The following POU2F3 variants were observed in gnomAD, a reference collection of about 807,000 sequenced individuals.
The protein encoded by POU2F3 is POU domain, class 2, transcription factor 3.
Under a neutral mutation model 59.2 loss-of-function variants are expected in POU2F3, and 23 were observed. The ratio of observed to expected loss-of-function variants is 0.39; its 90% CI spans 0.28 to 0.55. POU2F3 has a LOEUF of 0.55. Ranked by LOEUF, POU2F3 falls within the 20% of genes least tolerant of loss-of-function variation. POU2F3 has a pLI of 0.66. For synonymous variants in POU2F3, 190 were observed against 214.6 expected (o/e 0.89, Z 1.00); for missense variants, 473 against 544.5 (o/e 0.87, Z 1.31).
intron 3 of POU2F3, among the ~76,000 whole-genome samples, chr11:120,290,006 T>C (rs1324215318): frequency 6.6e-6 from 1 of 152,180 alleles, no homozygotes; most frequent in Non-Finnish European, 1.5e-5. Flanking sequence ...TGGACTAAAC[T>C]GAAATGGAAG....
rs999209301 is a variant in POU2F3 at position 120,285,677 on chromosome 11, T to C, written c.133-12588T>C. Among the ~76,000 whole-genome samples the C allele has an allele frequency of 1.3e-5, 2 of 152,262 alleles. No individual in the cohort carries two copies. The highest frequency in any genetic ancestry group is 2.9e-5 in the Non-Finnish European group (2 of 68,042). On this transcript the variant is annotated intron_variant, in intron 3 of 12. Coordinates refer to ENST00000543440, the MANE Select transcript of POU2F3 (RefSeq NM_014352.4). The surrounding 1 kb of genome is among the most constrained non-coding windows in gnomAD (Gnocchi z 4.3). ...TCCTTTTATCAGGGTAGCGTATATA[T>C]GTCTGGAAGACTTTTTCTCTGGATA...
chr11:120,239,837 A>G (rs1310743432), upstream of POU2F3, among the ~76,000 whole-genome samples: 1 of 152,176 alleles, frequency 6.6e-6, no homozygotes, highest in Non-Finnish European at 1.5e-5. Flanking sequence ...ACACTTCGCG[A>G]TCTGTCCAGA....
chr11:120,244,612 G>A (rs538943135), intron 1 of POU2F3, among the ~76,000 whole-genome samples: 32 of 151,846 alleles, frequency 2.1e-4, no homozygotes, highest in Non-Finnish European at 3.8e-4. Context: ...AACCACCAGT[G>A]GGGGAGAACT....
intron 3 of POU2F3, among the ~76,000 whole-genome samples, chr11:120,286,482 T>G (rs1940786544): frequency 6.6e-6 from 1 of 152,254 alleles, no homozygotes; most frequent in African/African-American, 2.4e-5. Flanking sequence ...GCAGGTACTA[T>G]GCCTTTCTCT....
chr11:120,306,920 A>G (rs374950319), intron 8 of POU2F3, among the ~76,000 whole-genome samples: 22 of 152,326 alleles, frequency 1.4e-4, no homozygotes, highest in African/African-American at 4.8e-4. Flanking sequence ...TCTCCATCAG[A>G]TGCCTGAATC....
intron 2 of POU2F3, among the ~76,000 whole-genome samples, chr11:120,255,253 A>T (rs1310918812): frequency 6.6e-6 from 1 of 152,132 alleles, no homozygotes; most frequent in Non-Finnish European, 1.5e-5. Flanking sequence ...AGGCTGGCGT[A>T]TCTGGACCCC....
chr11:120,246,830 C>T (rs1293895203), intron 2 of POU2F3, among the ~76,000 whole-genome samples: 2 of 152,190 alleles, frequency 1.3e-5, no homozygotes, highest in South Asian at 4.1e-4. Flanking sequence ...AGAGGCAGAA[C>T]CTGTCTTTCT....
rs549630197 is a variant in POU2F3 at position 120,294,915 on chromosome 11, A to G, written c.133-3350A>G. ...AAGGTAATGAATTATGAAAAATAAAAGATTCCATATCCAAAGGAACCGTAA... is the reference window on the plus strand; with the variant it reads ...AAGGTAATGAATTATGAAAAATAAAGGATTCCATATCCAAAGGAACCGTAA... On this transcript the variant is annotated intron_variant, in intron 3 of 12. Transcript: ENST00000543440. 5.3e-5 allele frequency among the ~76,000 whole-genome samples: 8 copies of G among 152,380 alleles called. No individual in the cohort carries two copies. In the South Asian group the frequency reaches 1.7e-3, roughly 32 times the overall value.
chr11:120,265,957 A>G (rs1430965380), intron 2 of POU2F3: 1 of 151,640 alleles, frequency 6.6e-6, no homozygotes, highest in Non-Finnish European at 1.5e-5. Flanking sequence ...TTTCTTCCTC[A>G]TCTAGGCTCA....
intron 8 of POU2F3, 118 bp from the exon 9 acceptor site, chr11:120,307,361 G>C (rs932374135): frequency 2.6e-6 from 3 of 1,168,186 alleles, no homozygotes; most frequent in East Asian, 2.4e-5. Flanking sequence ...GGAGGGGATT[G>C]CTCCTGAAAA....
intron 3 of POU2F3, among the ~76,000 whole-genome samples, chr11:120,296,093 C>G (rs534904647): frequency 6.6e-6 from 1 of 152,246 alleles, no homozygotes; most frequent in East Asian, 1.9e-4. Context: ...GACTATCATA[C>G]AATAGACGGG....
chr11:120,298,902 A>G (rs1393568878), intron 4 of POU2F3, among the ~76,000 whole-genome samples: 1 of 152,202 alleles, frequency 6.6e-6, no homozygotes, highest in Non-Finnish European at 1.5e-5. Context: ...CCCTTTCTGG[A>G]AACACATAAG....
In POU2F3 at chr11:120,319,444, C is replaced by CTTTTTTTTTTTTTTTTTTTTTTTATT. The variant is rs1161373592; in HGVS notation, c.*1070_*1071insTTTTTATTTTTTTTTTTTTTTTTTTT. The CTTTTTTTTTTTTTTTTTTTTTTTATT allele has an allele frequency of 8.5e-6, 1 of 117,854 alleles. No homozygotes were observed. The highest frequency in any genetic ancestry group is 3.3e-5 in the African/African-American group (1 of 30,346). 7.3% of individuals were successfully genotyped at this position (117,854 alleles called of 1,614,324 possible). A position where few individuals can be genotyped will look rare whatever the true frequency, so the allele number is the denominator to read the frequency against. On this transcript the variant is annotated 3_prime_UTR_variant, in exon 13 of 13. Transcript: ENST00000543440. ...TGGGCTGGGATTTTTTTTTCTTTTT[C>CTTTTTTTTTTTTTTTTTTTTTTTATT]TTTTTTTTTTTTTTTTTTGAGACAG...
At chr11:120,261,178 G>GTGTGTATGTGTGTGTGTGTGTGTGTGTA (rs766589384) in intron 2 of POU2F3, 1 of 151,118 alleles carries the variant, frequency 6.6e-6, no homozygotes, top group Non-Finnish European at 1.5e-5. Context: ...GTGTGTGTGT[G>GTGTGTATGTGTGTGTGTGTGTGTGTGTA]TGTGTGTGTG....
intron 3 of POU2F3, among the ~76,000 whole-genome samples, chr11:120,276,201 G>T (rs1226370789): frequency 6.6e-6 from 1 of 152,170 alleles, no homozygotes; most frequent in Non-Finnish European, 1.5e-5. Context: ...GAGAGCAAGG[G>T]AGGGAATGAA....
chr11:120,282,154 T>C (rs1484714098), intron 3 of POU2F3, among the ~76,000 whole-genome samples: 1 of 152,192 alleles, frequency 6.6e-6, no homozygotes. Context: ...CTTCTGAGTG[T>C]TCTTACCTGT....
intron 3 of POU2F3, among the ~76,000 whole-genome samples, chr11:120,279,190 C>A (rs940850925): frequency 1.3e-5 from 2 of 151,860 alleles, no homozygotes; most frequent in African/African-American, 4.8e-5. Flanking sequence ...GGTTCTCCCC[C>A]CACCACTGCC....
At chr11:120,288,145 A>AAAT (rs1940874470) in intron 3 of POU2F3, among the ~76,000 whole-genome samples, 3 of 148,374 alleles carry the variant, frequency 2.0e-5, no homozygotes, top group Admixed American at 2.0e-4. Context: ...AAAAAAAAAA[A>AAAT]AAACAAGAAA....
intron 2 of POU2F3, among the ~76,000 whole-genome samples, chr11:120,265,175 G>C (rs925005087): frequency 6.6e-6 from 1 of 152,172 alleles, no homozygotes; most frequent in Non-Finnish European, 1.5e-5. Flanking sequence ...TGAGGGCTGC[G>C]GTGGTTCCTC....
Sources: gnomAD v4.1 joint callset for allele counts (sites outside exome capture counted in the v4.1 genomes callset) on GRCh38, gnomAD v4.1.1 for gene constraint, Gnocchi (gnomAD v3.1) non-coding constraint, MANE v1.5 for transcripts, NCBI Gene and HGNC (gene_info 2026-07-23, HGNC 2026-07-21) for gene names.